Variants in ZSCAN23 observed in about 807,000 individuals in gnomAD.
ZSCAN23 encodes zinc finger and SCAN domain-containing protein 23.
Under a neutral mutation model 19.3 loss-of-function variants are expected in ZSCAN23, and 19 were observed. That is an observed-to-expected ratio of 0.99 (90% CI 0.69 to 1.45). The LOEUF (loss-of-function observed/expected upper bound fraction) is 1.45. Ranked by LOEUF, ZSCAN23 falls within the 40% of genes most tolerant of loss-of-function variation. The pLI is 0.00. For synonymous variants in ZSCAN23, 140 were observed against 166.2 expected, an observed-to-expected ratio of 0.84 and a Z score of 1.21; for missense variants, 372 against 462.5, an observed-to-expected ratio of 0.80 and a Z score of 1.79.
At chr6:28,424,263 C>T in the ZSCAN23 span, among the ~76,000 whole-genome samples, 1 of 152,132 alleles carries the variant, frequency 6.6e-6, no homozygotes, top group Non-Finnish European at 1.5e-5. Context: ...AATGCATATA[C>T]CTTAATTAAA....
chr6:28,437,088 TTTC>T (rs1245325484), intron 1 of ZSCAN23, among the ~76,000 whole-genome samples: 1 of 152,340 alleles, frequency 6.6e-6, no homozygotes, highest in African/African-American at 2.4e-5. Context: ...AACACTTATT[TTTC>T]TTATGTTATT....
chr6:28,425,821 A>G, the ZSCAN23 span, among the ~76,000 whole-genome samples: 1 of 152,348 alleles, frequency 6.6e-6, no homozygotes, highest in African/African-American at 2.4e-5. Flanking sequence ...TATGTTGTTT[A>G]GTATAGCCAC....
At chr6:28,437,234 G>A (rs1316252055) in intron 1 of ZSCAN23, among the ~76,000 whole-genome samples, 1 of 152,150 alleles carries the variant, frequency 6.6e-6, no homozygotes, top group Non-Finnish European at 1.5e-5. Context: ...AACAGGAGTA[G>A]AATTTGACCT....
At position 28,434,442 on chromosome 6, in the gene ZSCAN23, T is replaced by C; in HGVS notation, c.*23A>G. 1 of 1,503,166 alleles carries C rather than the reference T, an allele frequency of 6.7e-7. No homozygotes were observed. The highest frequency in any genetic ancestry group is 8.9e-7 in the Non-Finnish European group (1 of 1,120,872). The allele number at this position is 1,503,166 out of a possible 1,614,324, so 93.1% of individuals were successfully genotyped here. On this transcript the variant is annotated 3_prime_UTR_variant, in exon 4 of 4. Transcript: ENST00000289788. ...ACAGCAGGGACAAAGTAAGAAATAT[T>C]ATCCCCTACCTGTTCCAAGGAGCTA...
rs1761808067 is a variant in ZSCAN23, at chr6:28,433,672, A to C, written c.*793T>G. ...ATCATACTCTTCTCTTCAATCTTGA[A>C]TATGTTTCAAATTTTCCATACAAAA... On this transcript the variant is annotated 3_prime_UTR_variant, in exon 4 of 4. Transcript: ENST00000289788. 1 of 152,168 alleles carries C rather than the reference A, an allele frequency of 6.6e-6. No homozygotes were observed. The highest frequency in any genetic ancestry group is 1.5e-5 in the Non-Finnish European group (1 of 68,002). 9.4% of individuals were successfully genotyped at this position (152,168 alleles called of 1,614,324 possible).
chr6:28,423,747 C>T, the ZSCAN23 span, among the ~76,000 whole-genome samples: 5 of 152,192 alleles, frequency 3.3e-5, no homozygotes, highest in African/African-American at 1.2e-4. Context: ...GACTGGCTCA[C>T]TGCAGCAGTG....
downstream of ZSCAN23, among the ~76,000 whole-genome samples, chr6:28,432,295 G>A (rs1761775672): frequency 1.3e-5 from 2 of 152,126 alleles, no homozygotes; most frequent in East Asian, 1.9e-4. Flanking sequence ...CTTCAAAATC[G>A]AGTCTACTAT....
At chr6:28,442,547 T>C (rs1762021669) in intron 1 of ZSCAN23, among the ~76,000 whole-genome samples, 1 of 152,232 alleles carries the variant, frequency 6.6e-6, no homozygotes, top group African/African-American at 2.4e-5. Flanking sequence ...TCTTCAGATA[T>C]ATTCTCTCCA....
chr6:28,431,575 T>C (rs1041501213), downstream of ZSCAN23, among the ~76,000 whole-genome samples: 1 of 152,246 alleles, frequency 6.6e-6, no homozygotes, highest in African/African-American at 2.4e-5. Flanking sequence ...GTGATTCTAG[T>C]GCAGCTATCA....
At chr6:28,427,759 C>T (rs569675686), downstream of ZSCAN23, among the ~76,000 whole-genome samples, 56 of 152,106 alleles carry the variant, frequency 3.7e-4, no homozygotes, top group Non-Finnish European at 6.5e-4. Context: ...TAGTCTACTT[C>T]GTAGCTCTTA....
downstream of ZSCAN23, among the ~76,000 whole-genome samples, chr6:28,428,492 A>C (rs1409648802): frequency 1.3e-5 from 2 of 152,146 alleles, no homozygotes; most frequent in Admixed American, 1.3e-4. Flanking sequence ...CACTTTCATC[A>C]ATCTAATTAG....
At chr6:28,441,131 A>G (rs988202085) in intron 1 of ZSCAN23, among the ~76,000 whole-genome samples, 3 of 152,212 alleles carry the variant, frequency 2.0e-5, no homozygotes, top group Non-Finnish European at 4.4e-5. Flanking sequence ...ATCTACCATC[A>G]TCCTCATGGA....
At chr6:28,429,438 C>T (rs1000859735), downstream of ZSCAN23, among the ~76,000 whole-genome samples, 1 of 152,170 alleles carries the variant, frequency 6.6e-6, no homozygotes, top group Admixed American at 6.5e-5. Flanking sequence ...TAAGCCTTTA[C>T]AGATACACAA....
rs1192544273 is a variant in ZSCAN23 at position 28,436,157 on chromosome 6, G to C, written c.110C>G (p.Ser37Ter). 1.3e-6 allele frequency: 2 copies of C among 1,577,920 alleles called. No individual in the cohort carries two copies. The highest frequency in any genetic ancestry group is 1.7e-6 in the Non-Finnish European group (2 of 1,161,256). ...CTCTCTGGTATGAGGGTTATTTCTT[G>C]ACAGGCCTGATTCTGGCCCACAGGA... is the stretch of plus-strand genomic sequence containing the variant. ...EHSCGPESGL[S>*]RNNPHTREIF... The change falls in exon 2 of 4, where the codon TCA (serine) becomes TGA (stop). Residue 37 changes from serine to a stop codon, truncating the protein, a stop_gained. Coordinates refer to ENST00000289788, the MANE Select transcript of ZSCAN23 (RefSeq NM_001012455.2). LOFTEE classifies it high-confidence loss of function.
chr6:28,422,873 A>C, the ZSCAN23 span, among the ~76,000 whole-genome samples: 2 of 152,222 alleles, frequency 1.3e-5, no homozygotes, highest in African/African-American at 4.8e-5. The surrounding 1 kb of genome is among the most constrained non-coding windows in gnomAD (Gnocchi z 4.0). Context: ...AAATGCAAAA[A>C]GACACCAACA....
downstream of ZSCAN23, among the ~76,000 whole-genome samples, chr6:28,429,159 T>C (rs184635539): frequency 1.4e-3 from 215 of 152,324 alleles, no homozygotes; most frequent in African/African-American, 5.1e-3. Flanking sequence ...AAGTTATCTT[T>C]AACGTTCCAC....
chr6:28,437,073 G>T (rs73740620), intron 1 of ZSCAN23, among the ~76,000 whole-genome samples: 11,298 of 152,250 alleles, frequency 0.074, 492 homozygotes, highest in South Asian at 0.17. Flanking sequence ...AAACTCCAAA[G>T]TGGTAACACT....
At position 28,443,429 on chromosome 6, in the gene ZSCAN23, G is replaced by C. The variant is rs780105713; in HGVS notation, c.-108C>G. The C allele has an allele frequency of 3.9e-5, 6 of 152,352 alleles. No individual in the cohort carries two copies. Among genetic ancestry groups the C allele is most frequent in the Non-Finnish European group, 8.8e-5 (6 of 68,114 alleles). 9.4% of individuals were successfully genotyped at this position (152,352 alleles called of 1,614,324 possible). Reference sequence around the variant, plus strand: ...CATCCGTGAGAGGAGATGCCACCTAGCGCAGATCACATCTGCTCTGAATCC... The same window carrying C: ...CATCCGTGAGAGGAGATGCCACCTACCGCAGATCACATCTGCTCTGAATCC... On this transcript the variant is annotated 5_prime_UTR_variant, in exon 1 of 4. Coordinates refer to ENST00000289788, the MANE Select transcript of ZSCAN23 (RefSeq NM_001012455.2).
At chr6:28,422,686 T>C in the ZSCAN23 span, among the ~76,000 whole-genome samples, 1 of 150,346 alleles carries the variant, frequency 6.7e-6, no homozygotes, top group Non-Finnish European at 1.5e-5. This position sits in a 1 kb window ranked among gnomAD's most constrained non-coding sequence, Gnocchi z 4.0. Flanking sequence ...CCATGCAAGG[T>C]AACATGAGTA....
Sources: allele counts gnomAD v4.1 joint callset (sites outside exome capture counted in the v4.1 genomes callset), GRCh38; gene constraint gnomAD v4.1.1; non-coding constraint Gnocchi (gnomAD v3.1); transcripts MANE v1.5; gene names NCBI Gene and HGNC (gene_info 2026-07-23, HGNC 2026-07-21).